SCFD1: variants seen among roughly 807,000 people sequenced by gnomAD.
SCFD1 encodes sec1 family domain containing 1, also known as sec1 family domain-containing protein 1.
SCFD1 carries 37 observed loss-of-function variants against 103.2 expected under a neutral mutation model. That is an observed-to-expected ratio of 0.36 (90% confidence interval 0.28 to 0.47). The LOEUF (loss-of-function observed/expected upper bound fraction) is 0.47, where lower values mean the gene tolerates loss of function less well. Ranked by LOEUF, SCFD1 falls within the 20% of genes least tolerant of loss-of-function variation. The pLI, the probability that SCFD1 is intolerant of heterozygous loss-of-function variation, is 1.00. For missense variants in SCFD1, 639 were observed against 761.2 expected, an observed-to-expected ratio of 0.84 and a Z score of 1.89; for synonymous variants, 264 against 245.0, an observed-to-expected ratio of 1.08 and a Z score of -0.73.
intron 7 of SCFD1, among the ~76,000 whole-genome samples, chr14:30,646,642 A>T (rs11622076): frequency 0.35 from 52,492 of 151,944 alleles, 10,614 homozygotes; most frequent in East Asian, 0.62. Flanking sequence ...ATTGAATGAG[A>T]TAGGGAAGAG....
In SCFD1 at chr14:30,695,419, AAGAC is replaced by A. The variant is rs1309245960; in HGVS notation, c.1339+552_1339+555del. ...TTAAGCAAAAGAAGCCAGGCGCAGA[AAGAC>A]AAGTATCACATGTTCTCACTCATGT... On this transcript the variant is annotated intron_variant, in intron 15 of 24. Transcript: ENST00000458591. Among the ~76,000 whole-genome samples, 8 of 152,350 alleles carry A rather than the reference AAGAC, an allele frequency of 5.3e-5. No individual in the cohort carries two copies. In the South Asian group the frequency reaches 8.3e-4, roughly 16 times the overall value.
chr14:30,734,452 T>TCCTA (rs1208467573), intron 23 of SCFD1: 1 of 303,950 alleles, frequency 3.3e-6, no homozygotes, highest in Non-Finnish European at 6.4e-6. Flanking sequence ...GTAGTACACA[T>TCCTA]CCTACATTGG....
chr14:30,714,703 A>G (rs142147534), intron 19 of SCFD1, among the ~76,000 whole-genome samples: 3,541 of 152,294 alleles, frequency 0.023, 56 homozygotes, highest in Middle Eastern at 0.037. Flanking sequence ...TGTGTTATTT[A>G]TAGATTTTTA....
intron 10 of SCFD1, among the ~76,000 whole-genome samples, chr14:30,669,210 T>C (rs1046210835): frequency 3.3e-5 from 5 of 152,094 alleles, no homozygotes; most frequent in Admixed American, 1.3e-4. Context: ...TAAAGGAGAC[T>C]GAATTGCATT....
At chr14:30,624,278 C>T (rs569548551) in intron 1 of SCFD1, among the ~76,000 whole-genome samples, 6 of 152,312 alleles carry the variant, frequency 3.9e-5, no homozygotes, top group Non-Finnish European at 7.3e-5. Context: ...GTTACAGGTT[C>T]TTGCACATCT....
At chr14:30,635,167 T>G (rs1884597236) in intron 4 of SCFD1, 2 of 351,524 alleles carry the variant, frequency 5.7e-6, no homozygotes, top group Admixed American at 4.0e-5. Flanking sequence ...CTTTCTCTTT[T>G]ACCCTGCGTA....
At chr14:30,639,938 T>C (rs111673002) in intron 6 of SCFD1, 74 bp downstream of exon 6, 1 of 1,452,732 alleles carries the variant, frequency 6.9e-7, no homozygotes, top group Non-Finnish European at 9.1e-7. Context: ...AAAGTGAATA[T>C]GTTTAATGGA....
intron 9 of SCFD1, among the ~76,000 whole-genome samples, chr14:30,653,069 A>G (rs2139113867): frequency 6.6e-6 from 1 of 152,304 alleles, no homozygotes; most frequent in South Asian, 2.1e-4. Flanking sequence ...ACTAGTCCAA[A>G]GCATTACTGT....
intron 10 of SCFD1, among the ~76,000 whole-genome samples, chr14:30,659,124 G>A (rs961139476): frequency 1.3e-5 from 2 of 150,422 alleles, no homozygotes; most frequent in African/African-American, 4.9e-5. Flanking sequence ...TTTAATCTAA[G>A]GGAGAAAAAG....
chr14:30,639,452 T>G (rs1243659428), intron 5 of SCFD1, among the ~76,000 whole-genome samples: 3 of 152,252 alleles, frequency 2.0e-5, no homozygotes, highest in African/African-American at 4.8e-5. Context: ...AAAATGATTG[T>G]TAAAATTGTA....
At chr14:30,690,482 C>T (rs1440652753) in intron 14 of SCFD1, among the ~76,000 whole-genome samples, 1 of 115,274 alleles carries the variant, frequency 8.7e-6, no homozygotes. Context: ...GCGTAGGACC[C>T]TCTGAGCCAG....
At chr14:30,662,593 A>C (rs1887546844) in intron 10 of SCFD1, among the ~76,000 whole-genome samples, 1 of 152,214 alleles carries the variant, frequency 6.6e-6, no homozygotes, top group South Asian at 2.1e-4. Flanking sequence ...TTATGACTCC[A>C]AAGTACATCT....
At chr14:30,674,798 T>G (rs1888884521) in intron 13 of SCFD1, among the ~76,000 whole-genome samples, 186 bp from the exon 14 acceptor site, 1 of 152,218 alleles carries the variant, frequency 6.6e-6, no homozygotes, top group Non-Finnish European at 1.5e-5. Flanking sequence ...AAATAAGCAT[T>G]TCACCTGTAT....
rs764028846 is a variant in SCFD1 at position 30,673,955 on chromosome 14, G to A, written c.1118G>A (p.Ser373Asn). 1.9e-6 allele frequency: 3 copies of A among 1,613,800 alleles called. No individual in the cohort carries two copies. The highest frequency in any genetic ancestry group is 2.7e-5 in the African/African-American group (2 of 75,022). The part of the protein sequence containing the change: ...GLEGEDEGAI[S>N]MLSDNTAKLT... ...GAAGGGGAAGATGAAGGAGCCATAAGTATGCTTTCTGACAATACCGCTAAG... is the reference window on the plus strand; with the variant it reads ...GAAGGGGAAGATGAAGGAGCCATAAATATGCTTTCTGACAATACCGCTAAG... Residue 373 changes from serine (S) to asparagine (N), a missense_variant, in exon 13 of 25, where the codon AGT becomes AAT. Ser to Asn is a conservative substitution (Grantham distance 46). Transcript: ENST00000458591.
intron 14 of SCFD1, among the ~76,000 whole-genome samples, chr14:30,682,546 T>C (rs986148913): frequency 6.6e-6 from 1 of 152,240 alleles, no homozygotes; most frequent in East Asian, 1.9e-4. Context: ...TATTTTGTTA[T>C]ATTATACAAA....
chr14:30,725,734 G>A (rs916270038), intron 23 of SCFD1, among the ~76,000 whole-genome samples: 4 of 152,106 alleles, frequency 2.6e-5, no homozygotes, highest in Admixed American at 1.3e-4. Flanking sequence ...GAATAGCAGT[G>A]GTCAGAGAAG....
chr14:30,665,698 A>T (rs1028680252), intron 10 of SCFD1, among the ~76,000 whole-genome samples: 2 of 152,216 alleles, frequency 1.3e-5, no homozygotes, highest in South Asian at 4.1e-4. Context: ...ATGGAGGAAG[A>T]TCTACCAAGC....
At chr14:30,667,334 G>A (rs2139186693) in intron 10 of SCFD1, among the ~76,000 whole-genome samples, 1 of 152,202 alleles carries the variant, frequency 6.6e-6, no homozygotes, top group African/African-American at 2.4e-5. Context: ...ATGCAGAAGA[G>A]GCCTTCGACA....
At chr14:30,674,633 G>C (rs1454185004) in intron 13 of SCFD1, among the ~76,000 whole-genome samples, 1 of 150,008 alleles carries the variant, frequency 6.7e-6, no homozygotes, top group Admixed American at 6.6e-5. Flanking sequence ...AGGCGACAGA[G>C]ACTCTGTCTC....
Sources: allele counts gnomAD v4.1 joint callset (sites outside exome capture counted in the v4.1 genomes callset), GRCh38; gene constraint gnomAD v4.1.1; transcripts MANE v1.5; gene names NCBI Gene and HGNC (gene_info 2026-07-23, HGNC 2026-07-21).